EIPR1: variants seen among roughly 807,000 people sequenced by gnomAD.
The protein encoded by EIPR1 is EARP and GARP complex-interacting protein 1.
In EIPR1, 25 loss-of-function variants were observed where a neutral mutation model predicts 48.1. The ratio of observed to expected loss-of-function variants is 0.52; its 90% CI spans 0.38 to 0.73. The LOEUF is 0.73. EIPR1 is among the 30% of genes least tolerant of loss of function. The pLI is 0.00. For missense variants in EIPR1, 415 were observed against 506.2 expected (o/e 0.82, Z 1.73); for synonymous variants, 204 against 201.9 (o/e 1.01, Z -0.09).
At chr2:3,310,883 T>C (rs1669110070) in intron 3 of EIPR1, among the ~76,000 whole-genome samples, 1 of 152,118 alleles carries the variant, frequency 6.6e-6, no homozygotes, top group African/African-American at 2.4e-5. Flanking sequence ...AATTTTTTTT[T>C]CAAATAAACA....
intron 3 of EIPR1, among the ~76,000 whole-genome samples, chr2:3,264,367 T>TCATC (rs1411759190): frequency 5.3e-5 from 8 of 152,348 alleles, no homozygotes; most frequent in African/African-American, 1.9e-4. Context: ...CTTTATCCGT[T>TCATC]CATCCGGCTC....
intron 3 of EIPR1, among the ~76,000 whole-genome samples, chr2:3,321,813 C>A (rs1340563794): frequency 1.3e-5 from 2 of 152,178 alleles, no homozygotes; most frequent in African/African-American, 4.8e-5. Context: ...TTAAAAAGCA[C>A]GTCCTGGACC....
chr2:3,303,111 C>G (rs958986268), intron 3 of EIPR1, among the ~76,000 whole-genome samples: 4 of 152,236 alleles, frequency 2.6e-5, no homozygotes, highest in African/African-American at 9.6e-5. Flanking sequence ...ACCTATGTAA[C>G]CATCCCCAGC....
At chr2:3,211,440 T>C (rs1214687364) in intron 5 of EIPR1, among the ~76,000 whole-genome samples, 2 of 152,188 alleles carry the variant, frequency 1.3e-5, no homozygotes, top group East Asian at 1.9e-4. Flanking sequence ...TAAGCTCGGC[T>C]TCTGCCCACT....
chr2:3,278,410 C>T (rs1308022196), intron 3 of EIPR1, among the ~76,000 whole-genome samples: 1 of 152,190 alleles, frequency 6.6e-6, no homozygotes, highest in East Asian at 1.9e-4. Flanking sequence ...TGCCTTTAAC[C>T]TGTGGCCAGC....
In EIPR1 at chr2:3,210,282, T is replaced by C. The variant is rs375664950; in HGVS notation, c.516+3867A>G. ...AGAGCATTGCCAGCCACCTCCACGT[T>C]TCAGGAGCAGAGACTTAAAACACGA... On this transcript the variant is annotated intron_variant, in intron 5 of 8. Transcript: ENST00000382125. Among the ~76,000 whole-genome samples, 12 of 152,188 alleles carry C rather than the reference T, an allele frequency of 7.9e-5. No individual in the cohort carries two copies. The South Asian group carries it at 2.5e-3, about 32-fold the overall frequency.
At position 3,189,029 on chromosome 2, in the gene EIPR1, G is replaced by A; in HGVS notation, c.*305C>T. ...CTCAAGAGAAAGAAGAGTTACTATT[G>A]CAGGAACAGACATTTTTTTAAAAAG... On this transcript the variant is annotated 3_prime_UTR_variant, in exon 9 of 9. Transcript: ENST00000382125. This position sits in a 1 kb window ranked among gnomAD's most constrained non-coding sequence, Gnocchi z 4.6. 1 of 256,584 alleles carries A rather than the reference G, an allele frequency of 3.9e-6. No individual in the cohort carries two copies. Among genetic ancestry groups the A allele is most frequent in the Non-Finnish European group, 7.3e-6 (1 of 136,092 alleles). The allele number at this position is 256,584 out of a possible 1,614,324, so 15.9% of individuals were successfully genotyped here.
At position 3,338,933 on chromosome 2, in the gene EIPR1, A is replaced by G. The variant is rs534129737; in HGVS notation, c.127-784T>C. Among the ~76,000 whole-genome samples the G allele has an allele frequency of 2.6e-5, 4 of 152,336 alleles. No homozygotes were observed. The South Asian group carries it at 6.2e-4, about 24-fold the overall frequency. On this transcript the variant is annotated intron_variant, in intron 2 of 8. Coordinates refer to ENST00000382125, the MANE Select transcript of EIPR1 (RefSeq NM_003310.5). ...GTACTAAGAAAATATTCATGGGTCT[A>G]CACAAAAGATTTATATCCAAGTACG...
intron 6 of EIPR1, 43 bp downstream of exon 6, chr2:3,196,838 G>C (rs369562110): frequency 1.3e-5 from 21 of 1,606,316 alleles, no homozygotes; most frequent in Non-Finnish European, 1.8e-5. Flanking sequence ...TGCTCGGTGA[G>C]GGAGGAAAGG....
chr2:3,214,990 G>A (rs1558228273), intron 4 of EIPR1, among the ~76,000 whole-genome samples: 1 of 152,134 alleles, frequency 6.6e-6, no homozygotes, highest in African/African-American at 2.4e-5. Flanking sequence ...ACAGTGAGAA[G>A]GCAGCTGTCT....
intron 3 of EIPR1, among the ~76,000 whole-genome samples, chr2:3,337,785 GGTCA>G (rs1670111705): frequency 6.6e-6 from 1 of 152,086 alleles, no homozygotes; most frequent in Non-Finnish European, 1.5e-5. Context: ...CTGATCAAGG[GGTCA>G]ACGTTCTCAG....
chr2:3,265,607 G>A (rs1023369464), intron 3 of EIPR1, among the ~76,000 whole-genome samples: 2 of 152,264 alleles, frequency 1.3e-5, no homozygotes, highest in Non-Finnish European at 2.9e-5. Context: ...TTCCTGTGCC[G>A]AATTAATATC....
rs865982286 is a variant in EIPR1 at position 3,211,389 on chromosome 2, C to A, written c.516+2760G>T. The stretch of plus-strand genomic sequence containing the variant: ...GCAAGGAGCCATAGAACCCACCGAC[C>A]GCCCACAAAGTTCCCAGCCCCTCCC... On this transcript the variant is annotated intron_variant, in intron 5 of 8. Coordinates refer to ENST00000382125, the MANE Select transcript of EIPR1 (RefSeq NM_003310.5). Among the ~76,000 whole-genome samples, 25 of 152,154 alleles carry A rather than the reference C, an allele frequency of 1.6e-4. 1 individual carries two copies. The highest frequency in any genetic ancestry group is 1.4e-3 in the Admixed American group (21 of 15,278).
intron 4 of EIPR1, among the ~76,000 whole-genome samples, chr2:3,217,631 C>T (rs960357327): frequency 1.3e-5 from 2 of 152,194 alleles, no homozygotes; most frequent in Non-Finnish European, 2.9e-5. Context: ...CATCCCACTG[C>T]AGATTAGTGG....
chr2:3,338,508 A>G (rs944500823), intron 2 of EIPR1, among the ~76,000 whole-genome samples: 1 of 152,232 alleles, frequency 6.6e-6, no homozygotes, highest in Non-Finnish European at 1.5e-5. Context: ...CCATATCAGC[A>G]AGGTCCTCCC....
Position 3,214,193 on chromosome 2 carries a change from G to A in EIPR1, c.472C>T (p.His158Tyr). The A allele has an allele frequency of 5.6e-6, 9 of 1,613,770 alleles. No individual in the cohort carries two copies. The highest frequency in any genetic ancestry group is 6.8e-6 in the Non-Finnish European group (8 of 1,179,880). Residue 158 changes from histidine to tyrosine, a missense_variant, in exon 5 of 9, where the codon CAT (histidine) becomes TAT (tyrosine). Transcript: ENST00000382125. ...TCCTGTAAATCCCACAGCAGGATAT[G>A]GTTATCAGCCAAGGAAATGATTTTC... ...GKKIISLADN[H>Y]ILLWDLQESS...
chr2:3,298,078 A>G (rs1406307874), intron 3 of EIPR1, among the ~76,000 whole-genome samples: 2 of 152,218 alleles, frequency 1.3e-5, no homozygotes, highest in African/African-American at 4.8e-5. Context: ...CTGCCATCTC[A>G]GACAGTTGGG....
At chr2:3,313,841 G>A (rs1463584749) in intron 3 of EIPR1, among the ~76,000 whole-genome samples, 2 of 152,210 alleles carry the variant, frequency 1.3e-5, no homozygotes, top group Non-Finnish European at 2.9e-5. Flanking sequence ...AACAGGATTC[G>A]GATCAGGGAG....
intron 3 of EIPR1, among the ~76,000 whole-genome samples, chr2:3,310,073 CCT>C (rs1018176405): frequency 3.3e-5 from 5 of 152,244 alleles, no homozygotes; most frequent in African/African-American, 1.2e-4. Context: ...AAGAACAGCC[CCT>C]GAGGTTATGT....
Sources: gnomAD v4.1 joint callset for allele counts (sites outside exome capture counted in the v4.1 genomes callset) on GRCh38, gnomAD v4.1.1 for gene constraint, Gnocchi (gnomAD v3.1) non-coding constraint, MANE v1.5 for transcripts, NCBI Gene and HGNC (gene_info 2026-07-23, HGNC 2026-07-21) for gene names.